The following DOCK8 variants were observed in gnomAD, a reference collection of about 807,000 sequenced individuals.
DOCK8 encodes dedicator of cytokinesis 8.
A neutral mutation model predicts 245.6 loss-of-function variants in DOCK8; 141 were observed. The ratio of observed to expected loss-of-function variants is 0.57; its 90% CI spans 0.50 to 0.66. The LOEUF is 0.66. Ranked by LOEUF, DOCK8 falls within the 30% of genes least tolerant of loss-of-function variation. The pLI, the probability that DOCK8 is intolerant of heterozygous loss-of-function variation, is 0.00. For missense variants in DOCK8, 2,965 were observed against 2,603.4 expected (o/e 1.14, Z -3.02); for synonymous variants, 1,168 against 970.2 (o/e 1.20, Z -3.79).
At chr9:316,364 G>C (rs1018854095) in intron 6 of DOCK8, among the ~76,000 whole-genome samples, 1 of 152,320 alleles carries the variant, frequency 6.6e-6, no homozygotes, top group East Asian at 1.9e-4. Flanking sequence ...CAGATGTTAA[G>C]GTTACAATAG....
chr9:437,800 A>G (rs980868641), intron 39 of DOCK8, among the ~76,000 whole-genome samples: 2 of 152,236 alleles, frequency 1.3e-5, no homozygotes, highest in Non-Finnish European at 2.9e-5. Flanking sequence ...TATTTATTTC[A>G]CAACTGTAGA....
intron 46 of DOCK8, 97 bp downstream of exon 46, chr9:452,214 A>G: frequency 3.8e-6 from 3 of 792,622 alleles, no homozygotes; most frequent in Non-Finnish European, 6.3e-6. Flanking sequence ...ACTTGCTAGA[A>G]AGACAAAGTC....
chr9:344,076 G>T (rs1170102140), intron 14 of DOCK8, among the ~76,000 whole-genome samples: 1 of 151,878 alleles, frequency 6.6e-6, no homozygotes, highest in African/African-American at 2.4e-5. Flanking sequence ...CAAATACAGA[G>T]TTAATCTTCT....
chr9:376,928 G>GGATTGATGGTATA (rs1171328252), intron 19 of DOCK8, 49 bp from the exon 20 acceptor site: 3 of 1,517,342 alleles, frequency 2.0e-6, no homozygotes, highest in Non-Finnish European at 2.7e-6. Context: ...ATCCACTGGT[G>GGATTGATGGTATA]AACATTGATG....
chr9:450,208 C>A (rs1289314325), intron 45 of DOCK8, among the ~76,000 whole-genome samples: 2 of 152,156 alleles, frequency 1.3e-5, no homozygotes, highest in Non-Finnish European at 2.9e-5. Context: ...CGGGGCCAGA[C>A]CTGACAATAT....
At chr9:295,513 T>C (rs538479949) in intron 4 of DOCK8, among the ~76,000 whole-genome samples, 3 of 152,210 alleles carry the variant, frequency 2.0e-5, no homozygotes, top group Non-Finnish European at 4.4e-5. Context: ...AACATACTTA[T>C]ATTAGCATGT....
intron 28 of DOCK8, among the ~76,000 whole-genome samples, chr9:413,380 A>T (rs567838425): frequency 2.6e-5 from 4 of 152,326 alleles, no homozygotes; most frequent in East Asian, 1.9e-4. Context: ...ACTCGAAAGT[A>T]TGAGTAACAA....
chr9:303,576 C>T (rs903479349), intron 4 of DOCK8, among the ~76,000 whole-genome samples: 3 of 152,114 alleles, frequency 2.0e-5, no homozygotes, highest in Admixed American at 2.0e-4. Context: ...TATTTATAAG[C>T]AGGAGCTAAA....
At chr9:425,419 C>G (rs889416963) in intron 33 of DOCK8, among the ~76,000 whole-genome samples, 5 of 151,848 alleles carry the variant, frequency 3.3e-5, no homozygotes, top group East Asian at 1.9e-4. Flanking sequence ...GTAGTCCCAG[C>G]TACTCGGGAG....
At chr9:326,935 TG>T (rs1008633834) in intron 8 of DOCK8, among the ~76,000 whole-genome samples, 9 of 152,332 alleles carry the variant, frequency 5.9e-5, no homozygotes, top group African/African-American at 1.7e-4. Flanking sequence ...CTCATGGTGA[TG>T]AAGGAGAGAA....
rs1564016873 is a variant in DOCK8 at position 400,963 on chromosome 9, C to CTT, written c.3234+1704_3234+1705insTT. Among the ~76,000 whole-genome samples the CTT allele has an allele frequency of 3.1e-3, 182 of 59,408 alleles. 75 individuals are homozygous for CTT. The African/African-American group carries it at 0.076, about 25-fold the overall frequency. 39.0% of individuals were successfully genotyped at this position (59,408 alleles called of 152,430 possible). A position where few individuals can be genotyped will look rare whatever the true frequency, so the allele number is the denominator to read the frequency against. On this transcript the variant is annotated intron_variant, in intron 26 of 47. Coordinates refer to ENST00000432829, the MANE Select transcript of DOCK8 (RefSeq NM_203447.4). ...CCACCACCATCACCACCACCACCAC[C>CTT]ACCTCCTCCACCATCACCACCTCCT...
intron 14 of DOCK8, among the ~76,000 whole-genome samples, chr9:343,861 C>G (rs7032705): frequency 0.28 from 42,836 of 151,978 alleles, 6,171 homozygotes; most frequent in Middle Eastern, 0.35. Flanking sequence ...TGTAGTTATT[C>G]AACTTCCCCT....
chr9:304,657 C>G lies in DOCK8; in HGVS notation c.481C>G (p.Gln161Glu). The change falls in exon 5 of 48, where the codon CAG (glutamine) becomes GAG (glutamate). Residue 161 changes from glutamine (Q) to glutamate (E), a missense_variant. Gln to Glu is a conservative substitution (Grantham distance 29). This residue lies in a region of DOCK8 where 2,825 missense variants were observed against 2,453.5 expected (regional missense o/e 1.15). Transcript: ENST00000432829. ...AGATTTTCACAAGACGCTTCCGAAA[C>G]AGACGTTTGAGTCGGAAACCTTGGA... Reference protein sequence around the residue: ...RKDFHKTLPKQTFESETLECS... With the variant: ...RKDFHKTLPKETFESETLECS... 2 of 1,614,168 alleles carry G rather than the reference C, an allele frequency of 1.2e-6. No homozygotes were observed. The highest frequency in any genetic ancestry group is 1.1e-5 in the South Asian group (1 of 91,090).
At chr9:275,053 C>G (rs2048289181) in intron 2 of DOCK8, among the ~76,000 whole-genome samples, 1 of 152,192 alleles carries the variant, frequency 6.6e-6, no homozygotes, top group South Asian at 2.1e-4. Context: ...GGATGAGGTA[C>G]AGTTGTCATT....
At chr9:297,274 C>T (rs145277085) in intron 4 of DOCK8, among the ~76,000 whole-genome samples, 1 of 152,328 alleles carries the variant, frequency 6.6e-6, no homozygotes, top group Non-Finnish European at 1.5e-5. Context: ...GACTAAGGCA[C>T]TTGCCCAAGG....
At chr9:221,594 T>C (rs1266711906) in intron 1 of DOCK8, among the ~76,000 whole-genome samples, 3 of 151,550 alleles carry the variant, frequency 2.0e-5, no homozygotes, top group Non-Finnish European at 2.9e-5. Flanking sequence ...AGTGGATCAC[T>C]TGAAGTCAGA....
intron 36 of DOCK8, among the ~76,000 whole-genome samples, chr9:431,129 C>G (rs2056695231): frequency 2.6e-5 from 4 of 152,090 alleles, no homozygotes; most frequent in Admixed American, 2.6e-4. Context: ...CCTCCTCAGC[C>G]CCCCAAAGTA....
chr9:297,831 A>G (rs548858933), intron 4 of DOCK8, among the ~76,000 whole-genome samples: 1 of 152,350 alleles, frequency 6.6e-6, no homozygotes, highest in Non-Finnish European at 1.5e-5. Context: ...AAGAGAGGGA[A>G]AGTTTGCTCT....
intron 24 of DOCK8, among the ~76,000 whole-genome samples, chr9:391,043 C>T (rs138233403): frequency 2.6e-5 from 4 of 152,174 alleles, no homozygotes; most frequent in Non-Finnish European, 5.9e-5. Flanking sequence ...CCTCATCTCA[C>T]GCCACATTCC....
Sources: gnomAD v4.1 joint callset for allele counts (sites outside exome capture counted in the v4.1 genomes callset) on GRCh38, gnomAD v4.1.1 for gene constraint, gnomAD v4.1.1 regional missense constraint, MANE v1.5 for transcripts, NCBI Gene and HGNC (gene_info 2026-07-23, HGNC 2026-07-21) for gene names.